USP15: variants seen among roughly 807,000 people sequenced by gnomAD.
USP15 encodes the protein ubiquitin specific peptidase 15.
A neutral mutation model predicts 127.1 loss-of-function variants in USP15; 18 were observed. That is an observed-to-expected ratio of 0.14 (90% CI 0.10 to 0.21). The LOEUF (loss-of-function observed/expected upper bound fraction) is 0.21, where lower values mean the gene tolerates loss of function less well. USP15 is among the 10% of genes least tolerant of loss of function. The pLI is 1.00. For synonymous variants in USP15, 364 were observed against 393.7 expected (o/e 0.92, Z 0.89); for missense variants, 805 against 1,159.9 (o/e 0.69, Z 4.44).
chr12:62,277,025 A>G (rs1180260421), intron 1 of USP15, among the ~76,000 whole-genome samples: 3 of 152,064 alleles, frequency 2.0e-5, no homozygotes, highest in Non-Finnish European at 2.9e-5. Flanking sequence ...TATTATTCTT[A>G]GTCTATTTGA....
At position 62,409,682 on chromosome 12, in the gene USP15, C is replaced by T. The variant is rs1367875336; in HGVS notation, c.*5307C>T. 6 of 152,074 alleles carry T rather than the reference C, an allele frequency of 3.9e-5. No homozygotes were observed. Among genetic ancestry groups the T allele is most frequent in the African/African-American group, 1.2e-4 (5 of 41,430 alleles). The allele number at this position is 152,074 out of a possible 1,614,324, so 9.4% of individuals were successfully genotyped here. A position where few individuals can be genotyped will look rare whatever the true frequency, so the allele number is the denominator to read the frequency against. ...TTGTTGTTAGCTGGAGTTAAATCTA[C>T]ATACATAAAAGTAAAACAATAAATA... On this transcript the variant is annotated 3_prime_UTR_variant, in exon 22 of 22. Coordinates refer to ENST00000280377, the MANE Select transcript of USP15 (RefSeq NM_001252078.2).
At chr12:62,348,961 A>T (rs997559153) in intron 6 of USP15, among the ~76,000 whole-genome samples, 1 of 152,164 alleles carries the variant, frequency 6.6e-6, no homozygotes, top group Non-Finnish European at 1.5e-5. Flanking sequence ...ATATGTAGTT[A>T]GTAGATTTAT....
At chr12:62,292,534 A>G (rs1232381961) in intron 1 of USP15, among the ~76,000 whole-genome samples, 10 of 152,152 alleles carry the variant, frequency 6.6e-5, no homozygotes, top group Non-Finnish European at 1.0e-4. Flanking sequence ...CCAGCTTCCC[A>G]TGGGAGCAGC....
chr12:62,275,294 A>T (rs1475971086), intron 1 of USP15, among the ~76,000 whole-genome samples: 1 of 151,992 alleles, frequency 6.6e-6, no homozygotes, highest in African/African-American at 2.4e-5. Flanking sequence ...TATGAATTAT[A>T]GGAGAATATA....
rs578253379 is a variant in USP15 at position 62,370,922 on chromosome 12, C to T, written c.916-10568C>T. On this transcript the variant is annotated intron_variant, in intron 8 of 21. Transcript: ENST00000280377. ...CAACCCAGTAACCCAAGTCAAAAAC[C>T]GAAGACTTATCCCAAGTCCTGTTCA... Among the ~76,000 whole-genome samples the T allele has an allele frequency of 9.9e-5, 15 of 152,220 alleles. No homozygotes were observed. The South Asian group carries it at 1.7e-3, about 17-fold the overall frequency.
chr12:62,391,955 T>A, intron 17 of USP15, 69 bp downstream of exon 17: 2 of 1,371,966 alleles, frequency 1.5e-6, no homozygotes, highest in Non-Finnish European at 2.0e-6. Context: ...GAGATAATCA[T>A]ACTGTTGTGT....
intron 7 of USP15, among the ~76,000 whole-genome samples, chr12:62,351,357 T>G (rs1490736727): frequency 8.0e-5 from 12 of 150,910 alleles, no homozygotes. Context: ...TTAAGTAAAC[T>G]TACCAAAAGT....
At chr12:62,342,924 C>T (rs557514703) in intron 6 of USP15, among the ~76,000 whole-genome samples, 48 of 152,292 alleles carry the variant, frequency 3.2e-4, no homozygotes, top group Middle Eastern at 3.4e-3. Context: ...AGAGCTGGTA[C>T]GCTGTGCTGG....
chr12:62,393,806 T>G (rs1460590871), intron 19 of USP15: 1 of 152,314 alleles, frequency 6.6e-6, no homozygotes, highest in Non-Finnish European at 1.5e-5. Context: ...GGTCTCGAAC[T>G]CCTGACCTCA....
At chr12:62,278,101 G>GT (rs1380678949) in intron 1 of USP15, among the ~76,000 whole-genome samples, 3 of 151,986 alleles carry the variant, frequency 2.0e-5, no homozygotes, top group Admixed American at 6.6e-5. Context: ...TAATTAAAAA[G>GT]TTTTTTTGCC....
At chr12:62,315,153 A>G (rs2064796496) in intron 4 of USP15, 2 of 282,460 alleles carry the variant, frequency 7.1e-6, no homozygotes, top group Admixed American at 1.1e-4. Context: ...ACATCAAATA[A>G]TTATTGTTTT....
At chr12:62,340,482 G>A (rs1283487175) in intron 6 of USP15, among the ~76,000 whole-genome samples, 1 of 151,954 alleles carries the variant, frequency 6.6e-6, no homozygotes, top group Non-Finnish European at 1.5e-5. Flanking sequence ...GTGATATTAG[G>A]GTTTCAATTT....
chr12:62,373,189 C>T (rs1197694668), intron 8 of USP15, among the ~76,000 whole-genome samples: 1 of 151,846 alleles, frequency 6.6e-6, no homozygotes, highest in Non-Finnish European at 1.5e-5. Flanking sequence ...ATAATCATGG[C>T]TTTTTTAACA....
intron 6 of USP15, among the ~76,000 whole-genome samples, chr12:62,333,484 G>A (rs1460991510): frequency 1.3e-5 from 2 of 152,012 alleles, no homozygotes; most frequent in Non-Finnish European, 2.9e-5. Flanking sequence ...TTTTTATAAA[G>A]ATGGGGTTTC....
intron 2 of USP15, 143 bp from the exon 3 acceptor site, chr12:62,302,647 A>G: frequency 1.5e-6 from 1 of 689,042 alleles, no homozygotes; most frequent in East Asian, 3.0e-5. Flanking sequence ...CAAAAATTGG[A>G]CACCCCTGAT....
chr12:62,392,291 G>A lies in USP15; in HGVS notation c.2324G>A (p.Ser775Asn). The change falls in exon 18 of 22, where the codon AGT becomes AAT. Residue 775 changes from serine (S) to asparagine (N), a missense_variant. Ser to Asn is a conservative substitution (Grantham distance 46). Around this residue, in one of 11 missense-constraint regions of USP15, gnomAD observed 225 missense variants for 239.5 expected, o/e 0.94. Coordinates refer to ENST00000280377, the MANE Select transcript of USP15 (RefSeq NM_001252078.2). The part of the protein sequence containing the change: ...NAAEDFEKHE[S>N]VEYKPPKKPF... ...CTTTAGGACTTTGAAAAACATGAAA[G>A]TGTGGAGTATAAACCTCCTAAAAAA... The A allele has an allele frequency of 1.9e-6, 3 of 1,597,986 alleles. No homozygotes were observed. The highest frequency in any genetic ancestry group is 2.6e-6 in the Non-Finnish European group (3 of 1,174,870).
intron 6 of USP15, among the ~76,000 whole-genome samples, chr12:62,329,413 G>A (rs1404710701): frequency 6.6e-6 from 1 of 152,058 alleles, no homozygotes; most frequent in Non-Finnish European, 1.5e-5. Flanking sequence ...AAATTTTGGA[G>A]AATAACTACA....
intron 19 of USP15, among the ~76,000 whole-genome samples, chr12:62,395,259 A>C (rs1362910090): frequency 6.6e-6 from 1 of 152,236 alleles, no homozygotes; most frequent in Non-Finnish European, 1.5e-5. Context: ...TACTGGACCC[A>C]GATGGTCAAT....
In USP15 at chr12:62,414,910, T is replaced by C. The variant is rs1432129240; in HGVS notation, c.*10535T>C. 6.7e-6 allele frequency: 1 copy of C among 149,816 alleles called. No homozygotes were observed. The highest frequency in any genetic ancestry group is 2.5e-5 in the African/African-American group (1 of 40,336). 9.3% of individuals were successfully genotyped at this position (149,816 alleles called of 1,614,324 possible). A position where few individuals can be genotyped will look rare whatever the true frequency, so the allele number is the denominator to read the frequency against. ...GGATTCTCCAGAGAAACAAGACCAA[T>C]AGGATGCATATGTGTATACACATAT... On this transcript the variant is annotated 3_prime_UTR_variant, in exon 22 of 22. Coordinates refer to ENST00000280377, the MANE Select transcript of USP15 (RefSeq NM_001252078.2).
Sources: gnomAD v4.1 joint callset for allele counts (sites outside exome capture counted in the v4.1 genomes callset) on GRCh38, gnomAD v4.1.1 for gene constraint, gnomAD v4.1.1 regional missense constraint, MANE v1.5 for transcripts, NCBI Gene and HGNC (gene_info 2026-07-23, HGNC 2026-07-21) for gene names.